The following MRAS variants were observed in gnomAD, a reference collection of about 807,000 sequenced individuals.
MRAS encodes ras-related protein M-Ras.
A neutral mutation model predicts 20.9 loss-of-function variants in MRAS; 4 were observed. The observed-to-expected ratio is 0.19, with a 90% CI of 0.09 to 0.44. The LOEUF (loss-of-function observed/expected upper bound fraction) is 0.44. Ranked by LOEUF, MRAS falls within the 20% of genes least tolerant of loss-of-function variation. The pLI is 0.99. For missense variants in MRAS, 154 were observed against 277.5 expected (o/e 0.56, Z 3.16); for synonymous variants, 98 against 102.9 (o/e 0.95, Z 0.29).
rs550769490 is a variant in MRAS, at chr3:138,400,711, A to G, written c.527+98A>G. On this transcript the variant is annotated intron_variant, in intron 5 of 5. Coordinates refer to ENST00000423968, the MANE Select transcript of MRAS (RefSeq NM_001085049.3). ...AGGAAGCAGCTCCTGTTCTGAGGCC[A>G]TGAGGCTGTGGAATTCTGGGCCTAT... is the stretch of plus-strand genomic sequence containing the variant. 4.9e-6 allele frequency: 5 copies of G among 1,011,450 alleles called. No homozygotes were observed. The Admixed American group carries it at 6.5e-5, about 13-fold the overall frequency. 62.7% of individuals were successfully genotyped at this position (1,011,450 alleles called of 1,614,324 possible).
chr3:138,360,801 C>T (rs1401899634), intron 1 of MRAS, among the ~76,000 whole-genome samples: 1 of 152,164 alleles, frequency 6.6e-6, no homozygotes, highest in Non-Finnish European at 1.5e-5. Flanking sequence ...GAAAGCTGTG[C>T]CAGGGCTCTG....
chr3:138,400,198 G>A (rs1189060351), intron 4 of MRAS: 2 of 211,136 alleles, frequency 9.5e-6, no homozygotes, highest in Admixed American at 1.2e-4. Context: ...ACAGACCTCA[G>A]AAAGAAAAAT....
chr3:138,384,086 G>A (rs2108538666), intron 2 of MRAS, among the ~76,000 whole-genome samples: 2 of 151,994 alleles, frequency 1.3e-5, no homozygotes, highest in Non-Finnish European at 2.9e-5. Context: ...GCCAGCGTGT[G>A]GAACAAGTGA....
chr3:138,359,607 A>G (rs968162730), intron 1 of MRAS, among the ~76,000 whole-genome samples: 1 of 152,158 alleles, frequency 6.6e-6, no homozygotes, highest in Non-Finnish European at 1.5e-5. Flanking sequence ...CCTTTTTTGA[A>G]TGTGCCTTTT....
intron 1 of MRAS, among the ~76,000 whole-genome samples, chr3:138,353,065 G>T (rs1054309242): frequency 6.6e-6 from 1 of 152,156 alleles, no homozygotes; most frequent in African/African-American, 2.4e-5. Flanking sequence ...GTATTAAGTC[G>T]AGTCACACCC....
At chr3:138,362,639 G>A (rs1454044054) in intron 1 of MRAS, among the ~76,000 whole-genome samples, 5 of 152,152 alleles carry the variant, frequency 3.3e-5, no homozygotes, top group South Asian at 2.1e-4. Flanking sequence ...TTGTACTCCC[G>A]TATGGACTTG....
At chr3:138,364,803 G>T (rs2054527704) in intron 1 of MRAS, among the ~76,000 whole-genome samples, 1 of 152,210 alleles carries the variant, frequency 6.6e-6, no homozygotes, top group Admixed American at 6.5e-5. Flanking sequence ...GTTTATTTTT[G>T]GTAACTAGCA....
At chr3:138,388,809 C>G (rs951285351) in intron 2 of MRAS, among the ~76,000 whole-genome samples, 1 of 152,144 alleles carries the variant, frequency 6.6e-6, no homozygotes, top group Non-Finnish European at 1.5e-5. Context: ...TTCCGTGACC[C>G]TTATTTCACC....
chr3:138,353,347 G>A (rs1185751139), intron 1 of MRAS, among the ~76,000 whole-genome samples: 1 of 152,068 alleles, frequency 6.6e-6, no homozygotes, highest in Non-Finnish European at 1.5e-5. Context: ...ATGGGAAAGT[G>A]AGCCCTTGAG....
At chr3:138,387,984 A>G (rs2055052516) in intron 2 of MRAS, among the ~76,000 whole-genome samples, 1 of 152,156 alleles carries the variant, frequency 6.6e-6, no homozygotes, top group African/African-American at 2.4e-5. Context: ...TCCTTAAGCC[A>G]GGGTGTTGAG....
At chr3:138,355,384 T>C (rs372298289) in intron 1 of MRAS, among the ~76,000 whole-genome samples, 1 of 152,238 alleles carries the variant, frequency 6.6e-6, no homozygotes, top group East Asian at 1.9e-4. Context: ...CCTGGTGTTA[T>C]CCTGTTTGCA....
At chr3:138,362,110 C>G (rs2054461308) in intron 1 of MRAS, among the ~76,000 whole-genome samples, 1 of 152,092 alleles carries the variant, frequency 6.6e-6, no homozygotes, top group South Asian at 2.1e-4. Context: ...GGCCAGGTGG[C>G]CAAGTAGCAG....
chr3:138,385,502 A>ATATT lies in MRAS; in HGVS notation c.194-11801_194-11798dup, dbSNP rs544140854. ...TGTATTTTTGAGTTTTAAAATATAT[A>ATATT]TATTTATTTATTTATTTATTTATTA... is the stretch of plus-strand genomic sequence containing the variant. On this transcript the variant is annotated intron_variant, in intron 2 of 5. Transcript: ENST00000423968. 1.3e-3 allele frequency among the ~76,000 whole-genome samples: 198 copies of ATATT among 149,634 alleles called. 1 individual carries two copies. The highest frequency in any genetic ancestry group is 5.1e-3 in the Admixed American group (76 of 15,008).
At chr3:138,378,394 T>C (rs1008274649) in intron 2 of MRAS, among the ~76,000 whole-genome samples, 1 of 152,248 alleles carries the variant, frequency 6.6e-6, no homozygotes, top group Non-Finnish European at 1.5e-5. Context: ...CTCCTGTGGC[T>C]GTGGGACCCC....
At chr3:138,359,321 C>T (rs1038812061) in intron 1 of MRAS, among the ~76,000 whole-genome samples, 3 of 152,140 alleles carry the variant, frequency 2.0e-5, no homozygotes, top group African/African-American at 7.2e-5. Context: ...CTTCTTCCTC[C>T]GCATCTGCTT....
chr3:138,353,156 G>A (rs1458181959), intron 1 of MRAS, among the ~76,000 whole-genome samples: 1 of 151,948 alleles, frequency 6.6e-6, no homozygotes, highest in African/African-American at 2.4e-5. Flanking sequence ...GTTATATGCT[G>A]GTTTATTTGA....
chr3:138,393,804 C>T (rs1481134571), intron 2 of MRAS, among the ~76,000 whole-genome samples: 7 of 152,088 alleles, frequency 4.6e-5, no homozygotes, highest in Non-Finnish European at 8.8e-5. Flanking sequence ...ACTCTCCTGC[C>T]TCAGCCTCCC....
At chr3:138,398,443 A>C in intron 3 of MRAS, 26 bp from the exon 4 acceptor site, 3 of 1,603,298 alleles carry the variant, frequency 1.9e-6, no homozygotes, top group Non-Finnish European at 2.6e-6. Context: ...GAAACCTCAC[A>C]GAGCTGCTGT....
intron 2 of MRAS, among the ~76,000 whole-genome samples, chr3:138,375,456 T>G (rs117814972): frequency 1.3e-5 from 2 of 152,214 alleles, no homozygotes; most frequent in East Asian, 1.9e-4. Flanking sequence ...CCTAACTGTT[T>G]AGTAGAATTC....
Sources: gnomAD v4.1 joint callset for allele counts (sites outside exome capture counted in the v4.1 genomes callset) on GRCh38, gnomAD v4.1.1 for gene constraint, MANE v1.5 for transcripts, NCBI Gene and HGNC (gene_info 2026-07-23, HGNC 2026-07-21) for gene names.